TSHZ2: variants seen among roughly 807,000 people sequenced by gnomAD.
TSHZ2 encodes teashirt homolog 2.
TSHZ2 carries 21 observed loss-of-function variants against 74.4 expected under a neutral mutation model. That is an observed-to-expected ratio of 0.28 (90% CI 0.20 to 0.41). The LOEUF (loss-of-function observed/expected upper bound fraction) is 0.41, where lower values mean the gene tolerates loss of function less well. Among genes scored for constraint, TSHZ2 ranks in the 10% least tolerant of loss-of-function variants. The pLI, the probability that TSHZ2 is intolerant of heterozygous loss-of-function variation, is 1.00. For synonymous variants in TSHZ2, 540 were observed against 515.3 expected (o/e 1.05, Z -0.65); for missense variants, 1,244 against 1,293.5 (o/e 0.96, Z 0.59).
chr20:53,406,922 C>T (rs576773231), intron 2 of TSHZ2, among the ~76,000 whole-genome samples: 91 of 152,262 alleles, frequency 6.0e-4, no homozygotes, highest in African/African-American at 2.1e-3. Context: ...ACTGGTCCCA[C>T]GTCTTCCTAA....
At chr20:52,989,976 A>G (rs1319383984) in intron 1 of TSHZ2, among the ~76,000 whole-genome samples, 4 of 151,692 alleles carry the variant, frequency 2.6e-5, no homozygotes, top group African/African-American at 9.7e-5. Context: ...ATATATAACT[A>G]ATTTCTCTTT....
At chr20:53,360,610 C>A (rs748322588) in intron 2 of TSHZ2, among the ~76,000 whole-genome samples, 5 of 152,156 alleles carry the variant, frequency 3.3e-5, no homozygotes, top group African/African-American at 7.2e-5. Context: ...ATAATAACAT[C>A]ACAGTTAGAC....
intron 1 of TSHZ2, among the ~76,000 whole-genome samples, chr20:53,052,013 G>A (rs772564688): frequency 1.2e-4 from 19 of 152,030 alleles, no homozygotes; most frequent in Non-Finnish European, 2.8e-4. Context: ...TTATCATCTG[G>A]AACATTGTTA....
Position 53,164,353 on chromosome 20 carries a change from A to G in TSHZ2, c.41-89146A>G, listed in dbSNP as rs150979879. 2.8e-4 allele frequency among the ~76,000 whole-genome samples: 42 copies of G among 152,246 alleles called. No homozygotes were observed. The East Asian group carries it at 6.6e-3, about 24-fold the overall frequency. On this transcript the variant is annotated intron_variant, in intron 1 of 2. Transcript: ENST00000371497. ...TTTGCCTTTTATTTTGATTATTGAC[A>G]ATTTGATAGGCAAAATATTTCATAG...
chr20:53,052,116 A>G (rs957376409), intron 1 of TSHZ2, among the ~76,000 whole-genome samples: 1 of 152,166 alleles, frequency 6.6e-6, no homozygotes, highest in Non-Finnish European at 1.5e-5. Context: ...CTCTATACCC[A>G]TCAAATGACA....
At chr20:53,468,449 GC>G (rs1821250168) in intron 2 of TSHZ2, among the ~76,000 whole-genome samples, 1 of 152,058 alleles carries the variant, frequency 6.6e-6, no homozygotes. Flanking sequence ...CTCTTGGGAG[GC>G]CCCACATCTT....
At chr20:53,115,254 T>C (rs1337414135) in intron 1 of TSHZ2, among the ~76,000 whole-genome samples, 1 of 152,242 alleles carries the variant, frequency 6.6e-6, no homozygotes, top group African/African-American at 2.4e-5. Context: ...GGTTTGGCTG[T>C]GTCCCCATCC....
At chr20:53,040,278 A>G (rs952307622) in intron 1 of TSHZ2, among the ~76,000 whole-genome samples, 2 of 152,166 alleles carry the variant, frequency 1.3e-5, no homozygotes, top group African/African-American at 4.8e-5. Context: ...AAGAAGCACA[A>G]AAGTCCTGGG....
chr20:53,276,435 A>C (rs576800041), intron 2 of TSHZ2, among the ~76,000 whole-genome samples: 30 of 152,256 alleles, frequency 2.0e-4, no homozygotes, highest in Non-Finnish European at 3.8e-4. Flanking sequence ...AGATCTATCC[A>C]CTTTTGCTGG....
intron 2 of TSHZ2, among the ~76,000 whole-genome samples, chr20:53,375,167 T>G (rs115142279): frequency 0.04 from 6,061 of 152,260 alleles, 224 homozygotes; most frequent in African/African-American, 0.094. Flanking sequence ...GGTCAATTTT[T>G]TAAATCATTA....
At chr20:53,026,333 C>A (rs1451549965) in intron 1 of TSHZ2, among the ~76,000 whole-genome samples, 2 of 151,822 alleles carry the variant, frequency 1.3e-5, no homozygotes, top group African/African-American at 4.8e-5. Flanking sequence ...ATTGGGATAC[C>A]AAGGCATCCT....
At chr20:53,008,359 G>T (rs1982722037) in intron 1 of TSHZ2, among the ~76,000 whole-genome samples, 1 of 152,128 alleles carries the variant, frequency 6.6e-6, no homozygotes, top group South Asian at 2.1e-4. Context: ...GCAGTTATTG[G>T]AATAATGAAT....
At chr20:52,973,415 C>T in intron 1 of TSHZ2, 82 bp downstream of exon 1, 2 of 1,522,596 alleles carry the variant, frequency 1.3e-6, no homozygotes, top group Admixed American at 2.0e-5. Flanking sequence ...TGCCCGGGGG[C>T]ACCACCCACT....
At chr20:53,301,327 G>A (rs1384848711) in intron 2 of TSHZ2, among the ~76,000 whole-genome samples, 1 of 151,960 alleles carries the variant, frequency 6.6e-6, no homozygotes, top group East Asian at 1.9e-4. Context: ...GAAAGAATAT[G>A]CCACTTTGAA....
At chr20:53,213,798 G>A (rs1989371647) in intron 1 of TSHZ2, among the ~76,000 whole-genome samples, 1 of 150,420 alleles carries the variant, frequency 6.6e-6, no homozygotes, top group Non-Finnish European at 1.5e-5. Flanking sequence ...ATAAAACAAA[G>A]CCATTATGAA....
At chr20:53,087,660 A>G (rs1985739475) in intron 1 of TSHZ2, among the ~76,000 whole-genome samples, 1 of 152,240 alleles carries the variant, frequency 6.6e-6, no homozygotes, top group Non-Finnish European at 1.5e-5. Flanking sequence ...AACTCTTGGA[A>G]AAGACTTTCT....
intron 2 of TSHZ2, among the ~76,000 whole-genome samples, chr20:53,263,384 G>A (rs1291825295): frequency 2.0e-5 from 3 of 152,172 alleles, no homozygotes; most frequent in Admixed American, 2.0e-4. Flanking sequence ...AAATATTAGG[G>A]ATCATGAATA....
chr20:53,482,108 T>TAAAA lies in TSHZ2; in HGVS notation c.*9-5013_*9-5010dup, dbSNP rs570413572. ...GCAACAAGAGCGAAACTCCATCTCA[T>TAAAA]AAAAAAAAAAAAAAAAAAAAAAAAA... On this transcript the variant is annotated intron_variant, in intron 2 of 2. Coordinates refer to ENST00000371497, the MANE Select transcript of TSHZ2 (RefSeq NM_173485.6). 6.0e-3 allele frequency among the ~76,000 whole-genome samples: 448 copies of TAAAA among 74,314 alleles called. 52 individuals are homozygous for TAAAA. The highest frequency in any genetic ancestry group is 0.04 in the East Asian group (100 of 2,524). 48.8% of individuals were successfully genotyped at this position (74,314 alleles called of 152,430 possible).
chr20:53,280,668 G>GTTTGTTTT (rs1339439476), intron 2 of TSHZ2, among the ~76,000 whole-genome samples: 14 of 125,456 alleles, frequency 1.1e-4, no homozygotes, highest in African/African-American at 3.0e-4. Flanking sequence ...TTTGTTTTTT[G>GTTTGTTTT]TTGTTGTTGT....
Sources: gnomAD v4.1 joint callset for allele counts (sites outside exome capture counted in the v4.1 genomes callset) on GRCh38, gnomAD v4.1.1 for gene constraint, MANE v1.5 for transcripts, NCBI Gene and HGNC (gene_info 2026-07-23, HGNC 2026-07-21) for gene names.